CHCHD3: variants seen among roughly 807,000 people sequenced by gnomAD.
The protein encoded by CHCHD3 is MICOS complex subunit MIC19.
Under a neutral mutation model 38.2 loss-of-function variants are expected in CHCHD3, and 20 were observed. The ratio of observed to expected loss-of-function variants is 0.52; its 90% CI spans 0.37 to 0.76. The LOEUF (loss-of-function observed/expected upper bound fraction) is 0.76. Ranked by LOEUF, CHCHD3 falls within the 30% of genes least tolerant of loss-of-function variation. The pLI, the probability that CHCHD3 is intolerant of heterozygous loss-of-function variation, is 0.00. For missense variants in CHCHD3, 245 were observed against 279.2 expected (o/e 0.88, Z 0.87); for synonymous variants, 82 against 100.0 (o/e 0.82, Z 1.07).
intron 1 of CHCHD3, among the ~76,000 whole-genome samples, chr7:133,078,029 C>T (rs1001715830): frequency 1.3e-5 from 2 of 152,120 alleles, no homozygotes; most frequent in African/African-American, 4.8e-5. Context: ...TAAATTCAGC[C>T]AGGTGTGGAG....
In CHCHD3 at chr7:132,810,673, T is replaced by G. The variant is rs1807045739; in HGVS notation, c.525-14096A>C. ...TTCTACGTAAAGGGATAATGATATA[T>G]TACTGTAGGACCAAATAATGCATTT... On this transcript the variant is annotated intron_variant, in intron 6 of 7. Transcript: ENST00000262570. Among the ~76,000 whole-genome samples the G allele has an allele frequency of 5.3e-5, 8 of 152,304 alleles. No individual in the cohort carries two copies. The South Asian group carries it at 1.7e-3, about 32-fold the overall frequency.
chr7:132,997,279 T>C (rs1225200609), intron 3 of CHCHD3, among the ~76,000 whole-genome samples: 1 of 152,130 alleles, frequency 6.6e-6, no homozygotes, highest in East Asian at 1.9e-4. Context: ...CACAGGAAGA[T>C]TAATCTGTCC....
intron 4 of CHCHD3, among the ~76,000 whole-genome samples, chr7:132,913,813 A>G (rs1810027624): frequency 6.6e-6 from 1 of 152,172 alleles, no homozygotes; most frequent in Non-Finnish European, 1.5e-5. Flanking sequence ...CGTGACACCA[A>G]TGGGACCCAC....
At chr7:133,048,731 C>T (rs996734857) in intron 2 of CHCHD3, among the ~76,000 whole-genome samples, 1 of 152,102 alleles carries the variant, frequency 6.6e-6, no homozygotes, top group African/African-American at 2.4e-5. Context: ...GTTTGGAGAA[C>T]AGCAGTAACA....
At chr7:132,876,621 C>T (rs1183428513) in intron 5 of CHCHD3, among the ~76,000 whole-genome samples, 1 of 152,108 alleles carries the variant, frequency 6.6e-6, no homozygotes, top group African/African-American at 2.4e-5. Context: ...TCATTACAAG[C>T]ACTCACAAAA....
chr7:132,875,370 G>A (rs981161133), intron 5 of CHCHD3, among the ~76,000 whole-genome samples: 2 of 152,186 alleles, frequency 1.3e-5, no homozygotes, highest in African/African-American at 2.4e-5. Context: ...CTATCACAGT[G>A]ATTAAAGGGG....
At chr7:132,794,425 CATA>C (rs1563236985) in intron 7 of CHCHD3, among the ~76,000 whole-genome samples, 1 of 152,010 alleles carries the variant, frequency 6.6e-6, no homozygotes, top group Admixed American at 6.6e-5. Context: ...CTCAGGTTGT[CATA>C]AAAAAACAAG....
chr7:132,852,508 T>C (rs549489971), intron 5 of CHCHD3, among the ~76,000 whole-genome samples: 4 of 152,314 alleles, frequency 2.6e-5, no homozygotes, highest in Admixed American at 1.3e-4. Context: ...ATAGTAATCA[T>C]AGAAATAACC....
intron 4 of CHCHD3, among the ~76,000 whole-genome samples, chr7:132,949,794 TCACAAAGGAGTTAGGAGTG>T (rs1199329150): frequency 6.6e-6 from 1 of 152,108 alleles, no homozygotes; most frequent in Non-Finnish European, 1.5e-5. Flanking sequence ...TACCACCTCT[TCACAAAGGAGTTAGGAGTG>T]CAGTATGAAA....
chr7:132,928,682 G>A (rs1379261847), intron 4 of CHCHD3, among the ~76,000 whole-genome samples: 1 of 152,038 alleles, frequency 6.6e-6, no homozygotes, highest in Non-Finnish European at 1.5e-5. Context: ...GAGCAACAGA[G>A]CAAGACTCCA....
intron 3 of CHCHD3, among the ~76,000 whole-genome samples, chr7:133,006,424 G>T (rs1366133467): frequency 1.3e-5 from 2 of 151,984 alleles, no homozygotes; most frequent in Admixed American, 1.3e-4. Flanking sequence ...CTGAGATCGC[G>T]CCGCTGCACT....
At chr7:133,023,890 G>C (rs552591200) in intron 3 of CHCHD3, among the ~76,000 whole-genome samples, 2 of 152,184 alleles carry the variant, frequency 1.3e-5, no homozygotes, top group African/African-American at 4.8e-5. Context: ...GGTCGGTTTG[G>C]ATTGCTTCCA....
At chr7:132,944,729 A>C (rs11977063) in intron 4 of CHCHD3, among the ~76,000 whole-genome samples, 31,534 of 151,856 alleles carry the variant, frequency 0.21, 3,554 homozygotes, top group South Asian at 0.27. Context: ...ATCAAACAGC[A>C]AGTATTAACA....
Position 132,955,069 on chromosome 7 carries a change from T to C in CHCHD3, c.369+20100A>G, listed in dbSNP as rs1177130203. Among the ~76,000 whole-genome samples the C allele has an allele frequency of 2.0e-5, 3 of 152,126 alleles. No individual in the cohort carries two copies. The East Asian group carries it at 5.8e-4, about 29-fold the overall frequency. ...GAGTCAGCGTAGGCCCTTCTCTAAA[T>C]GGGCCTTAGCCCAGGGAAGTCATAG... is the stretch of plus-strand genomic sequence containing the variant. On this transcript the variant is annotated intron_variant, in intron 4 of 7. Coordinates refer to ENST00000262570, the MANE Select transcript of CHCHD3 (RefSeq NM_017812.4).
chr7:132,827,748 G>T (rs1451740557), intron 6 of CHCHD3, among the ~76,000 whole-genome samples: 2 of 152,056 alleles, frequency 1.3e-5, no homozygotes, highest in Admixed American at 6.5e-5. Flanking sequence ...GCCTATTTTT[G>T]AACATCGTTT....
chr7:133,070,553 A>G (rs1029236865), intron 1 of CHCHD3, among the ~76,000 whole-genome samples: 1 of 152,014 alleles, frequency 6.6e-6, no homozygotes, highest in African/African-American at 2.4e-5. Context: ...TCCTCCCCTA[A>G]TCCTACACAC....
intron 3 of CHCHD3, among the ~76,000 whole-genome samples, chr7:132,999,342 T>G (rs1287058407): frequency 3.9e-5 from 6 of 152,226 alleles, no homozygotes; most frequent in Non-Finnish European, 8.8e-5. Flanking sequence ...GTCAAATGAT[T>G]ATTGTGGAAT....
chr7:132,973,475 C>T (rs2117329018), intron 4 of CHCHD3: 1 of 985,524 alleles, frequency 1.0e-6, no homozygotes, highest in South Asian at 4.7e-5. Context: ...AACTTACTGT[C>T]TTTAATTCTG....
rs372468426 is a variant in CHCHD3, at chr7:132,796,585, C to A, written c.525-8G>T. On this transcript the variant is annotated splice_polypyrimidine_tract_variant and splice_region_variant and intron_variant, in intron 6 of 7. Coordinates refer to ENST00000262570, the MANE Select transcript of CHCHD3 (RefSeq NM_017812.4). ...GGATGAGACTCATATCGCCTGAAAA[C>A]AAACACAGGGACCGCTGAGACCAAT... 3.7e-6 allele frequency: 6 copies of A among 1,613,304 alleles called. No individual in the cohort carries two copies. In the East Asian group the frequency reaches 6.7e-5, roughly 18 times the overall value.
Sources: gnomAD v4.1 joint callset for allele counts (sites outside exome capture counted in the v4.1 genomes callset) on GRCh38, gnomAD v4.1.1 for gene constraint, MANE v1.5 for transcripts, NCBI Gene and HGNC (gene_info 2026-07-23, HGNC 2026-07-21) for gene names.